PPFIA2: variants seen among roughly 807,000 people sequenced by gnomAD.
PPFIA2 encodes liprin-alpha-2.
In PPFIA2, 46 loss-of-function variants were observed where a neutral mutation model predicts 175.5. That is an observed-to-expected ratio of 0.26 (90% CI 0.21 to 0.34). The LOEUF (loss-of-function observed/expected upper bound fraction) is 0.34, where lower values mean the gene tolerates loss of function less well. Ranked by LOEUF, PPFIA2 falls within the 10% of genes least tolerant of loss-of-function variation. The pLI, the probability that PPFIA2 is intolerant of heterozygous loss-of-function variation, is 1.00. For synonymous variants in PPFIA2, 568 were observed against 511.4 expected (o/e 1.11, Z -1.49); for missense variants, 1,179 against 1,506.1 (o/e 0.78, Z 3.60).
rs781217436 is a variant in PPFIA2 at position 81,344,710 on chromosome 12, T to G, written c.2233-17A>C. 6.5e-7 allele frequency: 1 copy of G among 1,532,634 alleles called. No homozygotes were observed. Among genetic ancestry groups the G allele is most frequent in the South Asian group, 1.2e-5 (1 of 81,678 alleles). The allele number at this position is 1,532,634 out of a possible 1,614,324, so 94.9% of individuals were successfully genotyped here. ...ATCACTTGGCTGTGATTGGCAGTAATAAAAACATAAAACACAATTAATTAA... is the reference window on the plus strand; with the variant it reads ...ATCACTTGGCTGTGATTGGCAGTAAGAAAAACATAAAACACAATTAATTAA... On this transcript the variant is annotated splice_polypyrimidine_tract_variant and intron_variant, in intron 18 of 32. Transcript: ENST00000549396.
At chr12:81,653,777 C>G (rs971219208) in intron 4 of PPFIA2, among the ~76,000 whole-genome samples, 37 of 152,004 alleles carry the variant, frequency 2.4e-4, no homozygotes, top group Non-Finnish European at 5.0e-4. Flanking sequence ...TTCAGATGGT[C>G]CATCTTCTGA....
intron 13 of PPFIA2, chr12:81,368,211 A>G (rs1321857254): frequency 8.3e-7 from 1 of 1,210,736 alleles, no homozygotes; most frequent in Non-Finnish European, 1.1e-6. Context: ...TGCAGACTGT[A>G]CAGAAGCACT....
chr12:81,631,226 C>A (rs2063347729), intron 4 of PPFIA2, among the ~76,000 whole-genome samples: 1 of 151,956 alleles, frequency 6.6e-6, no homozygotes, highest in Non-Finnish European at 1.5e-5. Context: ...TAACCTGATT[C>A]TTATTATTAG....
chr12:81,341,767 A>G (rs1199197037), intron 19 of PPFIA2, among the ~76,000 whole-genome samples: 1 of 152,116 alleles, frequency 6.6e-6, no homozygotes, highest in Non-Finnish European at 1.5e-5. Context: ...ATCAGAATAT[A>G]AACTCTTTAC....
chr12:81,274,140 C>T (rs1165447397), intron 28 of PPFIA2, among the ~76,000 whole-genome samples: 1 of 152,132 alleles, frequency 6.6e-6, no homozygotes, highest in Non-Finnish European at 1.5e-5. Context: ...CAACTGGTTA[C>T]CCTACACTTG....
intron 4 of PPFIA2, among the ~76,000 whole-genome samples, chr12:81,662,263 C>G (rs900166221): frequency 6.6e-6 from 1 of 152,068 alleles, no homozygotes; most frequent in African/African-American, 2.4e-5. Flanking sequence ...AATCCAGGAG[C>G]TGGTTTTTGG....
chr12:81,498,559 A>C (rs887196959), intron 4 of PPFIA2, among the ~76,000 whole-genome samples: 18 of 152,154 alleles, frequency 1.2e-4, no homozygotes, highest in African/African-American at 4.3e-4. Context: ...TGTCCTTCTT[A>C]TTGTATCCTT....
rs550693994 is a variant in PPFIA2, at chr12:81,317,703, T to C, written c.2642+8074A>G. ...CTTCTTTATCCTAGAGTTCTTTCCTTATCCAGCTTCTGTTTATACATTCAA... is the reference window on the plus strand; with the variant it reads ...CTTCTTTATCCTAGAGTTCTTTCCTCATCCAGCTTCTGTTTATACATTCAA... On this transcript the variant is annotated intron_variant, in intron 22 of 32. Transcript: ENST00000549396. Among the ~76,000 whole-genome samples the C allele has an allele frequency of 5.3e-5, 8 of 151,756 alleles. No individual in the cohort carries two copies. The East Asian group carries it at 1.2e-3, about 22-fold the overall frequency.
intron 3 of PPFIA2, among the ~76,000 whole-genome samples, chr12:81,686,020 T>C (rs2074378932): frequency 6.6e-6 from 1 of 152,052 alleles, no homozygotes; most frequent in Admixed American, 6.6e-5. Context: ...CAATAAGTAT[T>C]CAAACCAAAG....
chr12:81,563,565 A>C (rs1567347249), intron 4 of PPFIA2, among the ~76,000 whole-genome samples: 1 of 152,220 alleles, frequency 6.6e-6, no homozygotes, highest in East Asian at 1.9e-4. Context: ...AATATATGAC[A>C]TAATATGTGA....
chr12:81,448,494 T>A (rs542168599), intron 5 of PPFIA2, among the ~76,000 whole-genome samples: 1 of 152,342 alleles, frequency 6.6e-6, no homozygotes. Flanking sequence ...AGGTCATTTA[T>A]ACCTCTGCTC....
intron 4 of PPFIA2, among the ~76,000 whole-genome samples, chr12:81,629,945 AT>A (rs2063170676): frequency 6.6e-6 from 1 of 152,186 alleles, no homozygotes; most frequent in Non-Finnish European, 1.5e-5. Context: ...AGATTGAAAG[AT>A]TATCTGGGAT....
intron 7 of PPFIA2, among the ~76,000 whole-genome samples, chr12:81,417,560 A>G (rs766645488): frequency 9.9e-5 from 15 of 151,682 alleles, no homozygotes; most frequent in Non-Finnish European, 1.8e-4. Context: ...CTAGGGCAAT[A>G]AAAAGGATTT....
chr12:81,579,114 G>A (rs993532255), intron 4 of PPFIA2, among the ~76,000 whole-genome samples: 2 of 151,524 alleles, frequency 1.3e-5, no homozygotes, highest in Admixed American at 6.6e-5. Flanking sequence ...CTTTCTTTAC[G>A]ACTTTTCTAA....
chr12:81,416,778 T>C (rs1485346409), intron 7 of PPFIA2, among the ~76,000 whole-genome samples: 1 of 151,658 alleles, frequency 6.6e-6, no homozygotes, highest in African/African-American at 2.4e-5. Flanking sequence ...GACAACTGAC[T>C]GCAGTAATTA....
At chr12:81,742,941 C>G (rs774638525) in intron 3 of PPFIA2, among the ~76,000 whole-genome samples, 1 of 151,976 alleles carries the variant, frequency 6.6e-6, no homozygotes, top group East Asian at 1.9e-4. Context: ...GAGAAGTGAC[C>G]GTTGCATTTA....
At chr12:81,325,691 T>C (rs891984450) in intron 22 of PPFIA2, 86 bp downstream of exon 22, 2 of 997,656 alleles carry the variant, frequency 2.0e-6, no homozygotes, top group African/African-American at 3.3e-5. Flanking sequence ...TTCTTTTGTT[T>C]CCAACCACTC....
intron 4 of PPFIA2, among the ~76,000 whole-genome samples, chr12:81,625,220 T>C (rs1016795350): frequency 1.3e-5 from 2 of 151,864 alleles, no homozygotes; most frequent in Non-Finnish European, 2.9e-5. Flanking sequence ...GTCAGAAATG[T>C]ATCTTTTCAG....
intron 8 of PPFIA2, among the ~76,000 whole-genome samples, chr12:81,394,651 T>C (rs1048716902): frequency 2.6e-5 from 4 of 151,826 alleles, no homozygotes; most frequent in Non-Finnish European, 5.9e-5. Context: ...CTGGGGCCTG[T>C]CAGGGTGTTG....
Sources: allele counts gnomAD v4.1 joint callset (sites outside exome capture counted in the v4.1 genomes callset), GRCh38; gene constraint gnomAD v4.1.1; transcripts MANE v1.5; gene names NCBI Gene and HGNC (gene_info 2026-07-23, HGNC 2026-07-21).